Variants in KIRREL3 observed in about 807,000 individuals in gnomAD.
The protein encoded by KIRREL3 is kirre like nephrin family adhesion molecule 3, also known as kin of IRRE-like protein 3.
A neutral mutation model predicts 89.7 loss-of-function variants in KIRREL3; 36 were observed. The ratio of observed to expected loss-of-function variants is 0.40; its 90% CI spans 0.31 to 0.53. The LOEUF (loss-of-function observed/expected upper bound fraction) is 0.53. Among genes scored for constraint, KIRREL3 ranks in the 20% least tolerant of loss-of-function variants. The probability of loss-of-function intolerance (pLI) is 0.49; values close to 1 mark genes in which losing one functional copy is unlikely to be tolerated. For missense variants in KIRREL3, 864 were observed against 1,056.6 expected, an observed-to-expected ratio of 0.82 and a Z score of 2.53; for synonymous variants, 445 against 441.4, an observed-to-expected ratio of 1.01 and a Z score of -0.10.
chr11:126,952,023 C>G (rs1229800912), intron 1 of KIRREL3, among the ~76,000 whole-genome samples: 1 of 152,136 alleles, frequency 6.6e-6, no homozygotes, highest in Non-Finnish European at 1.5e-5. Context: ...GTGTATTCAT[C>G]ATATAGATCT....
chr11:126,505,142 G>A (rs779324753), intron 4 of KIRREL3, among the ~76,000 whole-genome samples: 13 of 152,342 alleles, frequency 8.5e-5, no homozygotes, highest in Non-Finnish European at 1.8e-4. Context: ...GCATTGTACT[G>A]TAAGTTCTAG....
Position 126,983,215 on chromosome 11 carries a change from C to T in KIRREL3, c.55+17240G>A, listed in dbSNP as rs1355597487. ...ATAATAACCATTTTGTACTAAGCAC[C>T]TATTATTTGATAATCCCAATAGATA... On this transcript the variant is annotated intron_variant, in intron 1 of 16. Coordinates refer to ENST00000525144, the MANE Select transcript of KIRREL3 (RefSeq NM_032531.4). The surrounding 1 kb of genome is among the most constrained non-coding windows in gnomAD (Gnocchi z 4.9). 6.6e-6 allele frequency among the ~76,000 whole-genome samples: 1 copy of T among 151,970 alleles called. No homozygotes were observed. Among genetic ancestry groups the T allele is most frequent in the African/African-American group, 2.4e-5 (1 of 41,344 alleles).
chr11:126,962,546 G>C (rs572128988), intron 1 of KIRREL3, among the ~76,000 whole-genome samples: 1 of 152,154 alleles, frequency 6.6e-6, no homozygotes, highest in Non-Finnish European at 1.5e-5. Flanking sequence ...GTTTCTTGAG[G>C]TGAAATGTAC....
At position 126,477,896 on chromosome 11, in the gene KIRREL3, C is replaced by A. The variant is rs1353008290; in HGVS notation, c.434-4430G>T. Among the ~76,000 whole-genome samples the A allele has an allele frequency of 6.6e-6, 1 of 152,220 alleles. No individual in the cohort carries two copies. The highest frequency in any genetic ancestry group is 1.5e-5 in the Non-Finnish European group (1 of 68,042). On this transcript the variant is annotated intron_variant, in intron 4 of 16. Transcript: ENST00000525144. This position sits in a 1 kb window ranked among gnomAD's most constrained non-coding sequence, Gnocchi z 4.8. The stretch of plus-strand genomic sequence containing the variant: ...GGTGGAGAACCTCATAGACACCCAG[C>A]CCTTTGGAGAGCAAGACTGGTTCTC...
At chr11:127,002,109 G>C (rs770309097), upstream of KIRREL3, among the ~76,000 whole-genome samples, 1 of 152,212 alleles carries the variant, frequency 6.6e-6, no homozygotes, top group African/African-American at 2.4e-5. Flanking sequence ...GTTTCCATGC[G>C]GATGTTAACT....
rs78057579 is a variant in KIRREL3, at chr11:126,555,058, G to A, written c.133+7777C>T. 0.033 allele frequency among the ~76,000 whole-genome samples: 5,012 copies of A among 152,156 alleles called. 243 individuals carry two copies. Among genetic ancestry groups the A allele is most frequent in the African/African-American group, 0.11 (4,561 of 41,484 alleles). On this transcript the variant is annotated intron_variant, in intron 2 of 16. Coordinates refer to ENST00000525144, the MANE Select transcript of KIRREL3 (RefSeq NM_032531.4). This position sits in a 1 kb window ranked among gnomAD's most constrained non-coding sequence, Gnocchi z 4.2. ...CTTCCATCTCCCAATAAAATCCTCC[G>A]CATACACTACCCTTCAATCTGTTCA...
rs1942306302 is a variant in KIRREL3 at position 126,594,693 on chromosome 11, C to G, written c.56-31781G>C. On this transcript the variant is annotated intron_variant, in intron 1 of 16. Transcript: ENST00000525144. This position sits in a 1 kb window ranked among gnomAD's most constrained non-coding sequence, Gnocchi z 5.0. ...AAGGCCAGCTCTTAAATTCTCTAAC[C>G]CATGCTCCTGGCCAACTCTCCTCTG... Among the ~76,000 whole-genome samples, 1 of 152,156 alleles carries G rather than the reference C, an allele frequency of 6.6e-6. No homozygotes were observed. Among genetic ancestry groups the G allele is most frequent in the Non-Finnish European group, 1.5e-5 (1 of 68,028 alleles).
chr11:126,933,317 G>C (rs933040055), intron 1 of KIRREL3, among the ~76,000 whole-genome samples: 6 of 151,858 alleles, frequency 4.0e-5, no homozygotes, highest in Admixed American at 3.9e-4. Context: ...AAGTGAGTGA[G>C]CCTAAGTTCA....
intron 1 of KIRREL3, among the ~76,000 whole-genome samples, chr11:126,963,646 T>C (rs1281944180): frequency 6.6e-6 from 1 of 152,204 alleles, no homozygotes; most frequent in Non-Finnish European, 1.5e-5. Context: ...ATTTGGAATT[T>C]CACAACTGCC....
intron 1 of KIRREL3, among the ~76,000 whole-genome samples, chr11:126,581,393 G>A (rs568380404): frequency 6.6e-6 from 1 of 152,066 alleles, no homozygotes; most frequent in Non-Finnish European, 1.5e-5. Flanking sequence ...GTAGAGACAG[G>A]GTTTCACCTT....
chr11:126,447,047 C>T lies in KIRREL3; in HGVS notation c.998-161G>A, dbSNP rs532396072. Among the ~76,000 whole-genome samples, 48 of 152,248 alleles carry T rather than the reference C, an allele frequency of 3.2e-4. 3 individuals are homozygous for T. In the South Asian group the frequency reaches 8.9e-3, roughly 28 times the overall value. On this transcript the variant is annotated intron_variant, in intron 8 of 16. Transcript: ENST00000525144. ...TTCCATTTTAAGTCTTATGTCCGGG[C>T]GGGGTCTGGGATCTGGGAGTGGGAC...
At chr11:126,446,911 A>G (rs1207331362) in intron 8 of KIRREL3, 25 bp from the exon 9 acceptor site, 2 of 1,600,690 alleles carry the variant, frequency 1.2e-6, no homozygotes, top group Non-Finnish European at 8.5e-7. Context: ...AGAAGAAGAC[A>G]GGTTCAGGTG....
chr11:126,467,904 C>T (rs1161353605), intron 5 of KIRREL3, among the ~76,000 whole-genome samples: 1 of 152,110 alleles, frequency 6.6e-6, no homozygotes, highest in Non-Finnish European at 1.5e-5. Context: ...GGGTGAGTGA[C>T]CAGGGAGGGG....
At chr11:126,730,229 C>A (rs1292188648) in intron 1 of KIRREL3, among the ~76,000 whole-genome samples, 3 of 152,234 alleles carry the variant, frequency 2.0e-5, no homozygotes, top group Non-Finnish European at 4.4e-5. Context: ...TGCCGACTAG[C>A]CCCATCCACA....
At chr11:126,507,841 C>G (rs944414256) in intron 4 of KIRREL3, among the ~76,000 whole-genome samples, 6 of 152,224 alleles carry the variant, frequency 3.9e-5, no homozygotes, top group Non-Finnish European at 7.3e-5. Flanking sequence ...CCGGGGGACC[C>G]TGGCTAGGGC....
At chr11:126,774,989 G>C (rs1196262384) in intron 1 of KIRREL3, among the ~76,000 whole-genome samples, 3 of 152,136 alleles carry the variant, frequency 2.0e-5, no homozygotes, top group African/African-American at 7.2e-5. Flanking sequence ...GTACCTGAGA[G>C]CTCCTAGATG....
chr11:126,447,509 A>G (rs1591548214), intron 8 of KIRREL3, among the ~76,000 whole-genome samples: 2 of 152,224 alleles, frequency 1.3e-5, no homozygotes, highest in East Asian at 3.9e-4. Flanking sequence ...CCACCCTCCT[A>G]TTACAGCCGT....
At chr11:126,852,847 C>G (rs1242769350) in intron 1 of KIRREL3, among the ~76,000 whole-genome samples, 1 of 152,172 alleles carries the variant, frequency 6.6e-6, no homozygotes, top group Non-Finnish European at 1.5e-5. Flanking sequence ...CTCTGGAAGG[C>G]AGGTGGACTC....
chr11:126,594,726 G>T lies in KIRREL3; in HGVS notation c.56-31814C>A, dbSNP rs796151981. ...CTGGCCAACTCTCCTCTGTCCAGCC[G>T]CAGGTCCTCATAGAAAGGCAGAGAC... is the stretch of plus-strand genomic sequence containing the variant. On this transcript the variant is annotated intron_variant, in intron 1 of 16. Transcript: ENST00000525144. The surrounding 1 kb of genome is among the most constrained non-coding windows in gnomAD (Gnocchi z 5.0). Among the ~76,000 whole-genome samples the T allele has an allele frequency of 9.9e-5, 15 of 152,124 alleles. No individual in the cohort carries two copies. Among genetic ancestry groups the T allele is most frequent in the African/African-American group, 3.6e-4 (15 of 41,412 alleles).
Sources: gnomAD v4.1 joint callset for allele counts (sites outside exome capture counted in the v4.1 genomes callset) on GRCh38, gnomAD v4.1.1 for gene constraint, Gnocchi (gnomAD v3.1) non-coding constraint, MANE v1.5 for transcripts, NCBI Gene and HGNC (gene_info 2026-07-23, HGNC 2026-07-21) for gene names.